Variants in ZNF511 observed in about 807,000 individuals in gnomAD.
ZNF511 encodes the protein zinc finger protein 511.
Under a neutral mutation model 24.8 loss-of-function variants are expected in ZNF511, and 26 were observed. The observed-to-expected ratio is 1.05, with a 90% CI of 0.77 to 1.46. The LOEUF is 1.46. Among genes scored for constraint, ZNF511 ranks in the 40% most tolerant of loss-of-function variants. The pLI is 0.00. For missense variants in ZNF511, 358 were observed against 345.0 expected, an observed-to-expected ratio of 1.04 and a Z score of -0.30; for synonymous variants, 144 against 139.6, an observed-to-expected ratio of 1.03 and a Z score of -0.22.
In ZNF511 at chr10:133,309,772, G is replaced by T. The variant is rs777946333; in HGVS notation, c.228-4G>T. The T allele has an allele frequency of 1.9e-6, 3 of 1,612,502 alleles. No individual in the cohort carries two copies. In the East Asian group the frequency reaches 6.7e-5, roughly 36 times the overall value. The stretch of plus-strand genomic sequence containing the variant: ...AGGGCTCCTGAAGCACGTCTCCTTG[G>T]CAGGGTGCCCGCGTTTGCCTGCCAG... On this transcript the variant is annotated splice_region_variant and splice_polypyrimidine_tract_variant and intron_variant, in intron 2 of 5. Transcript: ENST00000361518.
At chr10:133,310,565 C>T (rs542173738) in intron 4 of ZNF511, 6 of 466,812 alleles carry the variant, frequency 1.3e-5, no homozygotes, top group Admixed American at 3.5e-5. Context: ...GCAGCGCCTC[C>T]GCACTCACAC....
Position 133,311,974 on chromosome 10 carries a change from C to T in ZNF511, c.680+133C>T, listed in dbSNP as rs748551100. On this transcript the variant is annotated intron_variant, in intron 5 of 5. Transcript: ENST00000361518. ...AACGCTGGGTAAGAAAATCGGCTTC[C>T]GCCAGAGAAGAAAGTCCAGATATCT... The T allele has an allele frequency of 1.3e-5, 21 of 1,610,162 alleles. No individual in the cohort carries two copies. The African/African-American group carries it at 1.7e-4, about 13-fold the overall frequency.
At chr10:133,312,174 G>GTCTGCGTTTCTAGCGTCACCTGTGCCA (rs1848005691) in intron 5 of ZNF511, 1 of 1,415,758 alleles carries the variant, frequency 7.1e-7, no homozygotes, top group Non-Finnish European at 9.1e-7. Context: ...CACCTGTGCC[G>GTCTGCGTTTCTAGCGTCACCTGTGCCA]TCTGCGTTTC....
chr10:133,309,300 G>A (rs1847927820), intron 1 of ZNF511, 90 bp from the exon 2 acceptor site: 6 of 1,485,564 alleles, frequency 4.0e-6, no homozygotes, highest in Non-Finnish European at 5.5e-6. Flanking sequence ...CGGAGCGCGG[G>A]ATGACTGGGG....
chr10:133,311,542 C>T, intron 4 of ZNF511, 174 bp from the exon 5 acceptor site: 1 of 592,204 alleles, frequency 1.7e-6, no homozygotes, highest in Non-Finnish European at 3.0e-6. Context: ...TTGCTGTAAT[C>T]ATTCTCCTTT....
chr10:133,310,648 G>GCC (rs1330186685), intron 4 of ZNF511: 14 of 298,082 alleles, frequency 4.7e-5, no homozygotes, highest in African/African-American at 3.0e-4. Flanking sequence ...TCGGGGCCGT[G>GCC]TCTGTACCTC....
Position 133,308,987 on chromosome 10 carries a change from C to G in ZNF511, c.44C>G (p.Pro15Arg). 8.0e-7 allele frequency: 1 copy of G among 1,246,780 alleles called. No homozygotes were observed. Among genetic ancestry groups the G allele is most frequent in the Non-Finnish European group, 1.0e-6 (1 of 988,186 alleles). The allele number at this position is 1,246,780 out of a possible 1,614,324, so 77.2% of individuals were successfully genotyped here. Residue 15 changes from proline (P) to arginine (R), a missense_variant, in exon 1 of 6, where the codon CCC (proline) becomes CGC (arginine). Coordinates refer to ENST00000361518, the MANE Select transcript of ZNF511 (RefSeq NM_145806.4). ...PALCARLAAG[P>R]GAAEPLPVER... The stretch of plus-strand genomic sequence containing the variant: ...CTGTGCGCCCGCCTCGCTGCGGGGC[C>G]CGGGGCGGCGGAGCCGCTGCCTGTA...
intron 4 of ZNF511, chr10:133,310,639 C>G: frequency 3.2e-6 from 1 of 314,950 alleles, no homozygotes; most frequent in Non-Finnish European, 6.1e-6. Flanking sequence ...TCACACCCCT[C>G]GGGGCCGTGT....
intron 1 of ZNF511, 83 bp from the exon 2 acceptor site, chr10:133,309,307 G>T: frequency 6.7e-7 from 1 of 1,499,268 alleles, no homozygotes; most frequent in Non-Finnish European, 9.1e-7. Flanking sequence ...CGGGATGACT[G>T]GGGCCACGGG....
At chr10:133,311,178 T>A (rs1847981575) in intron 4 of ZNF511, among the ~76,000 whole-genome samples, 1 of 152,234 alleles carries the variant, frequency 6.6e-6, no homozygotes, top group Non-Finnish European at 1.5e-5. Flanking sequence ...TCTACAATTT[T>A]ATTGATCAGA....
chr10:133,311,224 T>G (rs929733990), intron 4 of ZNF511, among the ~76,000 whole-genome samples: 1 of 152,254 alleles, frequency 6.6e-6, no homozygotes, highest in African/African-American at 2.4e-5. Flanking sequence ...AGTAGTAATT[T>G]GCTCTTTAAA....
intron 2 of ZNF511, 60 bp downstream of exon 2, chr10:133,309,523 C>T (rs1847937157): frequency 3.2e-6 from 5 of 1,542,302 alleles, no homozygotes; most frequent in Non-Finnish European, 3.5e-6. Flanking sequence ...TGACCGGTGC[C>T]TGGTCCCTGG....
chr10:133,312,490 G>T (rs1018159141), intron 5 of ZNF511: 2 of 1,293,172 alleles, frequency 1.5e-6, no homozygotes, highest in Non-Finnish European at 9.8e-7. Context: ...GACAGTAGGG[G>T]TTTTCATGGA....
Position 133,309,802 on chromosome 10 carries a change from C to T in ZNF511, c.254C>T (p.Ala85Val), listed in dbSNP as rs1307047357. ...GTGCCCGCGTTTGCCTGCCAGGTGG[C>T]CGGCTGCTGCCAGGTGTTCGATGCC... ...PRVPAFACQV[A>V]GCCQVFDALD... Residue 85 changes from alanine to valine, a missense_variant, in exon 3 of 6, where the codon GCC becomes GTC. Ala to Val is a moderately conservative substitution (Grantham distance 64). Coordinates refer to ENST00000361518, the MANE Select transcript of ZNF511 (RefSeq NM_145806.4). 1.9e-6 allele frequency: 3 copies of T among 1,613,342 alleles called. No homozygotes were observed. Among genetic ancestry groups the T allele is most frequent in the Non-Finnish European group, 2.5e-6 (3 of 1,180,038 alleles).
At chr10:133,309,129 A>T (rs745565613) in intron 1 of ZNF511, 33 bp downstream of exon 1, 17 of 1,359,196 alleles carry the variant, frequency 1.3e-5, no homozygotes, top group Non-Finnish European at 1.6e-5. Context: ...AAGTAGTTGT[A>T]GGATCCAGTG....
intron 4 of ZNF511, chr10:133,310,495 C>T: frequency 1.6e-6 from 1 of 622,552 alleles, no homozygotes; most frequent in South Asian, 1.9e-5. Flanking sequence ...GGAGGGGAGC[C>T]CCTGGCTGCC....
intron 5 of ZNF511, chr10:133,312,128 C>T (rs1038861241): frequency 7.0e-7 from 1 of 1,438,092 alleles, no homozygotes; most frequent in Non-Finnish European, 9.1e-7. Context: ...CTTGCAGTTG[C>T]TTCAGTCACA....
rs143383818 is a variant in ZNF511, at chr10:133,310,418, G to C, written c.554+130G>C. 878 of 1,194,812 alleles carry C rather than the reference G, an allele frequency of 7.3e-4. 6 individuals carry two copies. In the East Asian group the frequency reaches 0.018, roughly 25 times the overall value. 74.0% of individuals were successfully genotyped at this position (1,194,812 alleles called of 1,614,324 possible). On this transcript the variant is annotated intron_variant, in intron 4 of 5. Coordinates refer to ENST00000361518, the MANE Select transcript of ZNF511 (RefSeq NM_145806.4). ...CACCTAATGGGGTGTTCACCTGCAG[G>C]TACCTGAAGCCCTGGCAACACAGCT...
intron 5 of ZNF511, chr10:133,312,570 T>C: frequency 7.0e-7 from 1 of 1,433,722 alleles, no homozygotes. Flanking sequence ...TGCGGAGTTC[T>C]TCCCAGCGGG....
Sources: allele counts gnomAD v4.1 joint callset (sites outside exome capture counted in the v4.1 genomes callset), GRCh38; gene constraint gnomAD v4.1.1; transcripts MANE v1.5; gene names NCBI Gene and HGNC (gene_info 2026-07-23, HGNC 2026-07-21).